TOM1: variants seen among roughly 807,000 people sequenced by gnomAD.
TOM1 encodes the protein target of myb1 membrane trafficking protein.
Under a neutral mutation model 61.3 loss-of-function variants are expected in TOM1, and 38 were observed. That is an observed-to-expected ratio of 0.62 (90% CI 0.48 to 0.81). The LOEUF is 0.81. Among genes scored for constraint, TOM1 ranks in the 40% least tolerant of loss-of-function variants. The probability of loss-of-function intolerance (pLI) is 0.00; values close to 1 mark genes in which losing one functional copy is unlikely to be tolerated. For missense variants in TOM1, 591 were observed against 659.6 expected, an observed-to-expected ratio of 0.90 and a Z score of 1.14; for synonymous variants, 270 against 268.8, an observed-to-expected ratio of 1.00 and a Z score of -0.04.
At position 35,333,677 on chromosome 22, in the gene TOM1, C is replaced by A. The variant is rs140584600; in HGVS notation, c.1027+180C>A. 2.5e-3 allele frequency among the ~76,000 whole-genome samples: 384 copies of A among 152,302 alleles called. 2 individuals carry two copies. Among genetic ancestry groups the A allele is most frequent in the Admixed American group, 6.1e-3 (93 of 15,308 alleles). ...GGGCACTCGGGGTCACTGCCCCTGG[C>A]AGCCCCACAAGTCCTGAGCCGCCTT... On this transcript the variant is annotated intron_variant, in intron 10 of 14. Transcript: ENST00000449058.
intron 1 of TOM1, among the ~76,000 whole-genome samples, chr22:35,307,530 C>G (rs1044282371): frequency 1.3e-5 from 2 of 152,208 alleles, no homozygotes; most frequent in Non-Finnish European, 2.9e-5. Flanking sequence ...CAGCTCCGCC[C>G]CTTCCCGGCT....
At chr22:35,333,207 A>AG (rs1428367177) in intron 9 of TOM1, 193 bp downstream of exon 9, 1 of 786,232 alleles carries the variant, frequency 1.3e-6, no homozygotes, top group African/African-American at 1.7e-5. Flanking sequence ...CTGATGCCCC[A>AG]GGGTCTCCCC....
chr22:35,337,119 G>T (rs1245334723), intron 11 of TOM1, among the ~76,000 whole-genome samples: 2 of 152,016 alleles, frequency 1.3e-5, no homozygotes, highest in African/African-American at 4.8e-5. Flanking sequence ...TGTATTTTTA[G>T]TAGAGACGGG....
chr22:35,312,828 T>G (rs530180915), intron 1 of TOM1, among the ~76,000 whole-genome samples: 1 of 151,954 alleles, frequency 6.6e-6, no homozygotes, highest in African/African-American at 2.4e-5. Context: ...CCCTGGAGAG[T>G]TCAGGCTTTT....
chr22:35,307,804 G>T (rs1314090059), intron 1 of TOM1, among the ~76,000 whole-genome samples: 2 of 152,162 alleles, frequency 1.3e-5, no homozygotes, highest in African/African-American at 4.8e-5. Context: ...AGACAGAGGG[G>T]TCTACTGTTT....
chr22:35,322,258 T>C, intron 3 of TOM1: 1 of 554,042 alleles, frequency 1.8e-6, no homozygotes, highest in Non-Finnish European at 3.2e-6. Flanking sequence ...GAACAGACGC[T>C]TACATCACTC....
intron 12 of TOM1, among the ~76,000 whole-genome samples, chr22:35,339,777 G>A (rs111574753): frequency 3.0e-4 from 45 of 151,650 alleles, no homozygotes; most frequent in African/African-American, 9.4e-4. Flanking sequence ...GGTGGCGGGC[G>A]CCTGTAGTCC....
chr22:35,346,957 G>T lies in TOM1; in HGVS notation c.1312G>T (p.Val438Phe). 1 of 1,612,806 alleles carries T rather than the reference G, an allele frequency of 6.2e-7. No individual in the cohort carries two copies. The highest frequency in any genetic ancestry group is 1.3e-5 in the African/African-American group (1 of 74,976). Reference sequence around the variant, plus strand: ...TAATGATGCGGAAGAGCCTAAGGGGGTCACCAGCGAAGGTAGTAGTCCCCG... The same window carrying T: ...TAATGATGCGGAAGAGCCTAAGGGGTTCACCAGCGAAGGTAGTAGTCCCCG... The part of the protein sequence containing the change: ...VGNDAEEPKG[V>F]TSEEFDKFLE... The change falls in exon 14 of 15, where the codon GTC (valine) becomes TTC (phenylalanine). Residue 438 changes from valine (V) to phenylalanine (F), a missense_variant. Val to Phe is a conservative substitution (Grantham distance 50). Coordinates refer to ENST00000449058, the MANE Select transcript of TOM1 (RefSeq NM_005488.3).
chr22:35,302,443 C>G (rs1925915289), intron 1 of TOM1, among the ~76,000 whole-genome samples: 1 of 94,428 alleles, frequency 1.1e-5, no homozygotes, highest in African/African-American at 3.0e-5. Context: ...TCAAGCGATT[C>G]TCCTGCCTCA....
rs1397244713 is a variant in TOM1, at chr22:35,338,798, G to A, written c.1224+10G>A. 2.5e-6 allele frequency: 4 copies of A among 1,572,974 alleles called. No homozygotes were observed. The highest frequency in any genetic ancestry group is 3.4e-6 in the Non-Finnish European group (4 of 1,162,450). On this transcript the variant is annotated intron_variant, in intron 12 of 14. Coordinates refer to ENST00000449058, the MANE Select transcript of TOM1 (RefSeq NM_005488.3). ...GCAGAGCACTGGCGCGGTAAGCAGA[G>A]GGGCCATCCTGCCACCCTGGGGCCC...
chr22:35,347,518 C>G lies in TOM1; in HGVS notation c.*309C>G, dbSNP rs1930614499. On this transcript the variant is annotated 3_prime_UTR_variant, in exon 15 of 15. Coordinates refer to ENST00000449058, the MANE Select transcript of TOM1 (RefSeq NM_005488.3). ...TGGCTGGCTGGCTGGCTGCTTGACC[C>G]AGTGTGACTCTCCTTCACTGAGTGA... 2 of 281,530 alleles carry G rather than the reference C, an allele frequency of 7.1e-6. No homozygotes were observed. Among genetic ancestry groups the G allele is most frequent in the African/African-American group, 2.2e-5 (1 of 45,738 alleles). The allele number at this position is 281,530 out of a possible 1,614,324, so 17.4% of individuals were successfully genotyped here.
intron 7 of TOM1, 53 bp from the exon 8 acceptor site, chr22:35,330,294 C>CGGCCTCACTCTGAGTCATGTGACTGTGGT (rs1569032099): frequency 2.6e-6 from 4 of 1,530,776 alleles, no homozygotes; most frequent in Non-Finnish European, 3.5e-6. Flanking sequence ...AAAAAAGAGA[C>CGGCCTCACTCTGAGTCATGTGACTGTGGT]GGCCTCACTC....
At chr22:35,333,372 G>A (rs779959720) in intron 9 of TOM1, 32 bp from the exon 10 acceptor site, 22 of 1,598,204 alleles carry the variant, frequency 1.4e-5, no homozygotes, top group South Asian at 3.3e-5. Flanking sequence ...TGCAGACAGC[G>A]GGGATGATCA....
intron 2 of TOM1, 142 bp from the exon 3 acceptor site, chr22:35,321,817 T>A (rs113301082): frequency 2.5e-6 from 2 of 793,038 alleles, no homozygotes; most frequent in Admixed American, 1.8e-5. Flanking sequence ...GATTCTGATG[T>A]GATCAGAACC....
At chr22:35,332,865 C>T (rs1300720877) in intron 8 of TOM1, 116 bp from the exon 9 acceptor site, 1 of 1,050,626 alleles carries the variant, frequency 9.5e-7, no homozygotes, top group Non-Finnish European at 1.5e-6. Flanking sequence ...TGTCATCACC[C>T]TGATCATAAC....
Position 35,323,462 on chromosome 22 carries a change from T to C in TOM1, c.367-34T>C, listed in dbSNP as rs1185223641. On this transcript the variant is annotated intron_variant, in intron 4 of 14. Transcript: ENST00000449058. This position sits in a 1 kb window ranked among gnomAD's most constrained non-coding sequence, Gnocchi z 4.2. Reference sequence around the variant, plus strand: ...GGTGGGCAGGCTCACAGGTGAGCTGTGGTTACCGGCTGTGTCCCCTTGTCC... The same window carrying C: ...GGTGGGCAGGCTCACAGGTGAGCTGCGGTTACCGGCTGTGTCCCCTTGTCC... 6.2e-7 allele frequency: 1 copy of C among 1,610,956 alleles called. No homozygotes were observed. Among genetic ancestry groups the C allele is most frequent in the South Asian group, 1.1e-5 (1 of 90,956 alleles).
intron 12 of TOM1, among the ~76,000 whole-genome samples, chr22:35,342,906 C>T (rs1569040428): frequency 2.0e-5 from 3 of 146,454 alleles, no homozygotes; most frequent in Non-Finnish European, 3.0e-5. Flanking sequence ...TCTACACCCA[C>T]CACACACACC....
rs372267431 is a variant in TOM1 at position 35,310,703 on chromosome 22, TTTCA to T, written c.53-7169_53-7166del. Among the ~76,000 whole-genome samples, 12 of 152,362 alleles carry T rather than the reference TTTCA, an allele frequency of 7.9e-5. No homozygotes were observed. In the East Asian group the frequency reaches 1.5e-3, roughly 20 times the overall value. On this transcript the variant is annotated intron_variant, in intron 1 of 14. Transcript: ENST00000449058. ...TTGTGCTGGTGAATACAGCCTCATC[TTTCA>T]TTCAGTCATTCAGCAAACAGGTACT...
chr22:35,337,436 C>T (rs1342387881), intron 11 of TOM1, among the ~76,000 whole-genome samples: 3 of 152,218 alleles, frequency 2.0e-5, no homozygotes, highest in Non-Finnish European at 4.4e-5. Flanking sequence ...AAGGTTGGCT[C>T]CAGCAGGGCC....
Sources: allele counts gnomAD v4.1 joint callset (sites outside exome capture counted in the v4.1 genomes callset), GRCh38; gene constraint gnomAD v4.1.1; non-coding constraint Gnocchi (gnomAD v3.1); transcripts MANE v1.5; gene names NCBI Gene and HGNC (gene_info 2026-07-23, HGNC 2026-07-21).